Variants in NUDT6 observed in about 807,000 individuals in gnomAD.
NUDT6 encodes the protein nudix hydrolase 6, also known as FAD diphosphatase NUDT6.
A neutral mutation model predicts 36.8 loss-of-function variants in NUDT6; 24 were observed. The observed-to-expected ratio is 0.65, with a 90% confidence interval of 0.47 to 0.92. The LOEUF (loss-of-function observed/expected upper bound fraction) is 0.92, where lower values mean the gene tolerates loss of function less well. NUDT6 is among the 40% of genes least tolerant of loss of function. The pLI is 0.00. For missense variants in NUDT6, 388 were observed against 392.8 expected (o/e 0.99, Z 0.10); for synonymous variants, 163 against 157.0 (o/e 1.04, Z -0.29).
intron 3 of NUDT6, chr4:122,897,934 T>G: frequency 2.4e-6 from 1 of 411,704 alleles, no homozygotes; most frequent in Non-Finnish European, 4.4e-6. Context: ...ACGTGATACA[T>G]TCTGTATGAA....
upstream of NUDT6, chr4:122,922,943 C>G: frequency 1.6e-6 from 1 of 632,154 alleles, no homozygotes; most frequent in Non-Finnish European, 2.8e-6. Context: ...TTCACAGATG[C>G]CGTTACAGCT....
chr4:122,908,465 G>A (rs1727668611), intron 3 of NUDT6, among the ~76,000 whole-genome samples: 1 of 152,192 alleles, frequency 6.6e-6, no homozygotes, highest in Non-Finnish European at 1.5e-5. Flanking sequence ...CCTATAGCCA[G>A]TAAGCCCCCT....
At chr4:122,898,330 A>G (rs961163654) in intron 3 of NUDT6, 1 of 152,148 alleles carries the variant, frequency 6.6e-6, no homozygotes, top group African/African-American at 2.4e-5. Flanking sequence ...AGGGATAAAT[A>G]TAGAAAAATG....
intron 3 of NUDT6, among the ~76,000 whole-genome samples, chr4:122,912,008 C>T (rs765258106): frequency 4.1e-5 from 6 of 145,282 alleles, no homozygotes; most frequent in Non-Finnish European, 1.5e-5. Context: ...ATAAGCAATT[C>T]GAATTTTATC....
chr4:122,915,193 A>C (rs1727804161), intron 2 of NUDT6, among the ~76,000 whole-genome samples: 5 of 152,210 alleles, frequency 3.3e-5, no homozygotes, highest in Admixed American at 3.3e-4. Context: ...CAATGGCTCC[A>C]GCTATTCCAG....
At chr4:122,921,611 A>AACAAAAACAAACAAAC (rs1553953084) in intron 1 of NUDT6, 1 of 119,130 alleles carries the variant, frequency 8.4e-6, no homozygotes, top group African/African-American at 3.8e-5. Flanking sequence ...AAAAAAAAAA[A>AACAAAAACAAACAAAC]AAAAAAACAA....
At chr4:122,893,397 T>C in intron 4 of NUDT6, 172 bp from the exon 5 acceptor site, 1 of 543,778 alleles carries the variant, frequency 1.8e-6, no homozygotes, top group East Asian at 3.2e-5. Flanking sequence ...TCCCAAAATA[T>C]TTTCTTACCA....
intron 1 of NUDT6, chr4:122,918,622 T>C (rs944912115): frequency 4.6e-5 from 7 of 152,184 alleles, no homozygotes; most frequent in Non-Finnish European, 7.3e-5. Context: ...AATAGTTAAT[T>C]AACTTTCCCT....
rs531709292 is a variant in NUDT6, at chr4:122,909,056, C to T, written c.498+3512G>A. On this transcript the variant is annotated intron_variant, in intron 3 of 4. Transcript: ENST00000304430. The stretch of plus-strand genomic sequence containing the variant: ...ATATCTCCTTAAATTAATCATCTCC[C>T]CGCCATCCCAGCTTTTTTTTTTTTC... Among the ~76,000 whole-genome samples the T allele has an allele frequency of 2.7e-5, 4 of 149,774 alleles. No homozygotes were observed. The East Asian group carries it at 8.4e-4, about 31-fold the overall frequency.
At chr4:122,901,273 G>T (rs1727518506) in intron 3 of NUDT6, among the ~76,000 whole-genome samples, 1 of 152,082 alleles carries the variant, frequency 6.6e-6, no homozygotes, top group African/African-American at 2.4e-5. Context: ...AAAAATATGT[G>T]ATTTTAACCA....
Position 122,917,535 on chromosome 4 carries a change from T to C in NUDT6, c.408A>G (p.Leu136=), listed in dbSNP as rs1457937048. ...TLWLREGPSR[L]PGYASHQVGV... is the part of the protein sequence containing the mutation. ...CTACTTGATGTGAAGCATATCCTGG[T>C]AATCTGCTGGGCCCTTCTCTCAGCC... Residue 136 remains leucine (L), a synonymous_variant, in exon 2 of 5, where the codon TTA becomes TTG. Transcript: ENST00000304430. The C allele has an allele frequency of 1.9e-6, 3 of 1,614,010 alleles. No homozygotes were observed. Among genetic ancestry groups the C allele is most frequent in the Non-Finnish European group, 2.5e-6 (3 of 1,180,002 alleles).
At chr4:122,900,417 C>T (rs1289717769) in intron 3 of NUDT6, among the ~76,000 whole-genome samples, 2 of 150,708 alleles carry the variant, frequency 1.3e-5, no homozygotes. Flanking sequence ...TTGCATCTTT[C>T]TACAATTTTT....
chr4:122,912,600 T>C lies in NUDT6; in HGVS notation c.466A>G (p.Arg156Gly), dbSNP rs1334834274. 1 of 1,591,430 alleles carries C rather than the reference T, an allele frequency of 6.3e-7. No individual in the cohort carries two copies. Among genetic ancestry groups the C allele is most frequent in the Non-Finnish European group, 8.6e-7 (1 of 1,160,188 alleles). Reference sequence around the variant, plus strand: ...CGATCTTGTACAACCAGTATTTTTCTAGTACTTTCATCAAATACAGCTCCT... The same window carrying C: ...CGATCTTGTACAACCAGTATTTTTCCAGTACTTTCATCAAATACAGCTCCT... ...VAGAVFDEST[R>G]KILVVQDRNK... Residue 156 changes from arginine to glycine, a missense_variant, in exon 3 of 5, where the codon AGA becomes GGA. By Grantham distance (125) the Arg-to-Gly change is moderately radical. Coordinates refer to ENST00000304430, the MANE Select transcript of NUDT6 (RefSeq NM_007083.5).
intron 1 of NUDT6, 50 bp downstream of exon 1, chr4:122,922,285 A>T (rs1353423115): frequency 6.0e-6 from 9 of 1,511,206 alleles, no homozygotes; most frequent in Non-Finnish European, 8.0e-6. Context: ...CGGTTATTTC[A>T]TTAGAAAAGC....
intron 3 of NUDT6, among the ~76,000 whole-genome samples, chr4:122,904,861 TAG>T (rs1727587471): frequency 6.6e-6 from 1 of 152,160 alleles, no homozygotes; most frequent in Non-Finnish European, 1.5e-5. Context: ...ATACAGCACA[TAG>T]TGTGTCTGGA....
intron 2 of NUDT6, among the ~76,000 whole-genome samples, chr4:122,914,686 C>T (rs1253873954): frequency 1.3e-5 from 2 of 152,150 alleles, no homozygotes; most frequent in Non-Finnish European, 2.9e-5. Flanking sequence ...GCACACTCTT[C>T]TCACTGTGCA....
chr4:122,893,344 A>G lies in NUDT6; in HGVS notation c.554-119T>C, dbSNP rs569407789. The G allele has an allele frequency of 4.4e-6, 4 of 916,646 alleles. No individual in the cohort carries two copies. The African/African-American group carries it at 6.8e-5, about 16-fold the overall frequency. The allele number at this position is 916,646 out of a possible 1,614,324, so 56.8% of individuals were successfully genotyped here. On this transcript the variant is annotated intron_variant, in intron 4 of 4. Coordinates refer to ENST00000304430, the MANE Select transcript of NUDT6 (RefSeq NM_007083.5). ...GCTCAAAACATTACCCTAACAAAGTAAAGTTTTCAATACAAATTCTTTGCC... is the reference window on the plus strand; with the variant it reads ...GCTCAAAACATTACCCTAACAAAGTGAAGTTTTCAATACAAATTCTTTGCC...
chr4:122,906,756 A>G (rs34350503), intron 3 of NUDT6, among the ~76,000 whole-genome samples: 93,400 of 152,014 alleles, frequency 0.61, 32,349 homozygotes, highest in East Asian at 0.95. Flanking sequence ...AGGCCACACA[A>G]GACACAGGTC....
At chr4:122,915,890 G>C (rs566935788) in intron 2 of NUDT6, among the ~76,000 whole-genome samples, 1 of 152,290 alleles carries the variant, frequency 6.6e-6, no homozygotes, top group South Asian at 2.1e-4. Flanking sequence ...GACAGGGACA[G>C]AGAAGACATC....
Sources: gnomAD v4.1 joint callset for allele counts (sites outside exome capture counted in the v4.1 genomes callset) on GRCh38, gnomAD v4.1.1 for gene constraint, MANE v1.5 for transcripts, NCBI Gene and HGNC (gene_info 2026-07-23, HGNC 2026-07-21) for gene names.